The following EDA variants were observed in gnomAD, a reference collection of about 807,000 sequenced individuals.
EDA encodes the protein ectodysplasin-A.
In EDA, 2 loss-of-function variants were observed where a neutral mutation model predicts 23.6. That is an observed-to-expected ratio of 0.08 (90% CI 0.03 to 0.27). EDA has a LOEUF of 0.27. EDA is among the 10% of genes least tolerant of loss of function. EDA has a pLI of 1.00. For missense variants in EDA, 229 were observed against 324.2 expected, an observed-to-expected ratio of 0.71 and a Z score of 2.26; for synonymous variants, 131 against 132.0, an observed-to-expected ratio of 0.99 and a Z score of 0.05.
chrX:69,834,644 G>A lies in EDA; in HGVS notation c.397-122383G>A, dbSNP rs140950398. Among the ~76,000 whole-genome samples, 111 of 109,052 alleles carry A rather than the reference G, an allele frequency of 1.0e-3. 1 individual carries two copies. In the East Asian group the frequency reaches 0.025, roughly 24 times the overall value. The allele number at this position is 109,052 out of a possible 115,157, so 94.7% of individuals were successfully genotyped here. On this transcript the variant is annotated intron_variant, in intron 1 of 7. Coordinates refer to ENST00000374552, the MANE Select transcript of EDA (RefSeq NM_001399.5). Reference sequence around the variant, plus strand: ...GATGGGTCTGCTGAACATAGCCCACGGATGGGTCTTGACTCTTTATCCAAT... The same window carrying A: ...GATGGGTCTGCTGAACATAGCCCACAGATGGGTCTTGACTCTTTATCCAAT...
intron 1 of EDA, among the ~76,000 whole-genome samples, chrX:69,884,074 G>T (rs1403811526): frequency 9.0e-6 from 1 of 110,918 alleles, no homozygotes; most frequent in African/African-American, 3.3e-5. Flanking sequence ...AAAAAAAAAA[G>T]AATTTTTTTC....
intron 1 of EDA, among the ~76,000 whole-genome samples, chrX:69,859,597 A>G (rs1326644088): frequency 9.2e-6 from 1 of 108,732 alleles, no homozygotes; most frequent in Non-Finnish European, 1.9e-5. Flanking sequence ...TTCTTTTGTT[A>G]TGATTTCGGT....
intron 1 of EDA, among the ~76,000 whole-genome samples, chrX:69,650,730 A>G (rs901377593): frequency 2.7e-5 from 3 of 111,796 alleles, no homozygotes; most frequent in Non-Finnish European, 3.8e-5. Flanking sequence ...CATTAAATTA[A>G]AAAAGAAACC....
intron 1 of EDA, among the ~76,000 whole-genome samples, chrX:69,788,814 C>T (rs1300537413): frequency 8.8e-6 from 1 of 113,341 alleles, no homozygotes; most frequent in African/African-American, 3.2e-5. Context: ...CTGTGGTGGG[C>T]TCCACCCAGT....
intron 1 of EDA, among the ~76,000 whole-genome samples, chrX:69,922,907 C>T (rs1253943163): frequency 9.0e-6 from 1 of 110,720 alleles, no homozygotes; most frequent in Non-Finnish European, 1.9e-5. Context: ...CTGGATGTAT[C>T]CGGGACTTCA....
At chrX:69,742,739 T>C (rs1446976464) in intron 1 of EDA, among the ~76,000 whole-genome samples, 1 of 111,190 alleles carries the variant, frequency 9.0e-6, no homozygotes, top group African/African-American at 3.3e-5. Flanking sequence ...CATGCTCTGT[T>C]ACAGTTTTCT....
At chrX:69,821,632 G>C (rs2016226269) in intron 1 of EDA, among the ~76,000 whole-genome samples, 1 of 111,260 alleles carries the variant, frequency 9.0e-6, no homozygotes, top group Non-Finnish European at 1.9e-5. Flanking sequence ...TCACATTTCA[G>C]TACCGAGATC....
rs1188383523 is a variant in EDA, at chrX:69,866,281, TA to T, written c.397-90745del. ...CCTGTATTCCATGCATACTCTTCCT[TA>T]CCATCCTTGTGGAGTAGTAGACTTA... is the stretch of plus-strand genomic sequence containing the variant. On this transcript the variant is annotated intron_variant, in intron 1 of 7. Transcript: ENST00000374552. Among the ~76,000 whole-genome samples the T allele has an allele frequency of 2.7e-5, 3 of 111,533 alleles. No homozygotes were observed. In the East Asian group the frequency reaches 8.5e-4, roughly 32 times the overall value.
intron 7 of EDA, among the ~76,000 whole-genome samples, chrX:70,034,441 G>C (rs947352331): frequency 1.8e-5 from 2 of 111,801 alleles, no homozygotes; most frequent in African/African-American, 6.5e-5. Context: ...TTCATAAAAT[G>C]ATTTACGGTG....
At chrX:69,922,158 T>C (rs2018445534) in intron 1 of EDA, among the ~76,000 whole-genome samples, 1 of 112,611 alleles carries the variant, frequency 8.9e-6, no homozygotes, top group Admixed American at 9.4e-5. Context: ...TATCGCTGAA[T>C]AGAATTCTAT....
chrX:69,788,813 G>A (rs1602409859), intron 1 of EDA, among the ~76,000 whole-genome samples: 1 of 113,357 alleles, frequency 8.8e-6, no homozygotes, highest in South Asian at 3.6e-4. Flanking sequence ...GCTGTGGTGG[G>A]CTCCACCCAG....
At chrX:69,754,560 G>A (rs991005219) in intron 1 of EDA, among the ~76,000 whole-genome samples, 6 of 110,964 alleles carry the variant, frequency 5.4e-5, no homozygotes, top group African/African-American at 1.3e-4. Flanking sequence ...TGCTGTTCTC[G>A]AGTATCTTTG....
chrX:69,759,987 G>A (rs1397064038), intron 1 of EDA, among the ~76,000 whole-genome samples: 3 of 109,114 alleles, frequency 2.7e-5, no homozygotes, highest in Non-Finnish European at 5.7e-5. Flanking sequence ...CCTTAAGACT[G>A]TATTACAGCA....
intron 2 of EDA, among the ~76,000 whole-genome samples, chrX:69,970,304 G>C (rs2019230838): frequency 8.9e-6 from 1 of 112,290 alleles, no homozygotes; most frequent in Admixed American, 9.4e-5. Context: ...TATAATGATA[G>C]TAATGATACT....
intron 1 of EDA, among the ~76,000 whole-genome samples, chrX:69,735,211 GTGTATATA>G (rs2013207194): frequency 1.7e-5 from 1 of 59,905 alleles, no homozygotes; most frequent in Non-Finnish European, 5.1e-5. Context: ...TATTTTGTAT[GTGTATATA>G]CACATACAAC....
At chrX:69,619,917 G>C (rs1178283005) in intron 1 of EDA, among the ~76,000 whole-genome samples, 1 of 111,712 alleles carries the variant, frequency 9.0e-6, no homozygotes, top group African/African-American at 3.3e-5. Flanking sequence ...AAGATCAAAA[G>C]CAGATTGGCT....
At chrX:69,847,545 C>T (rs1015223793) in intron 1 of EDA, among the ~76,000 whole-genome samples, 1 of 111,523 alleles carries the variant, frequency 9.0e-6, no homozygotes, top group Non-Finnish European at 1.9e-5. Context: ...TATGTAAGTG[C>T]ATATATACAG....
At chrX:69,796,538 T>G (rs2015550070) in intron 1 of EDA, among the ~76,000 whole-genome samples, 1 of 112,184 alleles carries the variant, frequency 8.9e-6, no homozygotes, top group African/African-American at 3.2e-5. Context: ...CAAAGTGCCC[T>G]GCTCAACCAA....
rs186067262 is a variant in EDA at position 70,007,929 on chromosome X, G to C, written c.503-15289G>C. Among the ~76,000 whole-genome samples, 323 of 111,932 alleles carry C rather than the reference G, an allele frequency of 2.9e-3. 1 individual carries two copies. Among genetic ancestry groups the C allele is most frequent in the African/African-American group, 9.8e-3 (304 of 30,923 alleles). ...TCTAAATTCCAGTTGGTCACTGCTG[G>C]TATGTAGGAAAGCAATTGATTTTTA... On this transcript the variant is annotated intron_variant, in intron 2 of 7. Coordinates refer to ENST00000374552, the MANE Select transcript of EDA (RefSeq NM_001399.5).
Sources: gnomAD v4.1 joint callset for allele counts (sites outside exome capture counted in the v4.1 genomes callset) on GRCh38, gnomAD v4.1.1 for gene constraint, MANE v1.5 for transcripts, NCBI Gene and HGNC (gene_info 2026-07-23, HGNC 2026-07-21) for gene names.